The following METTL16 variants were observed in gnomAD, a reference collection of about 807,000 sequenced individuals.
The protein encoded by METTL16 is RNA N(6)-adenosine-methyltransferase METTL16.
METTL16 carries 19 observed loss-of-function variants against 57.9 expected under a neutral mutation model. The observed-to-expected ratio is 0.33, with a 90% CI of 0.23 to 0.48. METTL16 has a LOEUF of 0.48. Among genes scored for constraint, METTL16 ranks in the 20% least tolerant of loss-of-function variants. The pLI, the probability that METTL16 is intolerant of heterozygous loss-of-function variation, is 0.99. For synonymous variants in METTL16, 246 were observed against 255.6 expected (o/e 0.96, Z 0.36); for missense variants, 434 against 691.5 (o/e 0.63, Z 4.18).
At chr17:2,504,391 CATG>C in intron 1 of METTL16, among the ~76,000 whole-genome samples, 1 of 152,216 alleles carries the variant, frequency 6.6e-6, no homozygotes, top group Non-Finnish European at 1.5e-5. Flanking sequence ...TATATTTTTC[CATG>C]ATTTTAAAAA....
chr17:2,427,117 GC>G (rs1331244992), intron 8 of METTL16, among the ~76,000 whole-genome samples: 1 of 152,184 alleles, frequency 6.6e-6, no homozygotes, highest in Non-Finnish European at 1.5e-5. Context: ...CAGCACTCCA[GC>G]CTGGGCAACG....
At chr17:2,452,186 G>A (rs2067076231) in intron 6 of METTL16, among the ~76,000 whole-genome samples, 1 of 150,644 alleles carries the variant, frequency 6.6e-6, no homozygotes, top group Non-Finnish European at 1.5e-5. Context: ...GGAGATGAAG[G>A]AAAAGAAATA....
intron 2 of METTL16, among the ~76,000 whole-genome samples, chr17:2,497,248 C>T (rs1332477638): frequency 3.3e-5 from 5 of 150,874 alleles, no homozygotes; most frequent in African/African-American, 7.4e-5. Flanking sequence ...TCAGGTGATC[C>T]GCCCACCTTG....
At chr17:2,457,568 C>T (rs2067120609) in intron 6 of METTL16, among the ~76,000 whole-genome samples, 1 of 151,640 alleles carries the variant, frequency 6.6e-6, no homozygotes, top group Non-Finnish European at 1.5e-5. Flanking sequence ...ATTAGCCAGG[C>T]ATGGTGGCGC....
rs749518458 is a variant in METTL16 at position 2,419,958 on chromosome 17, T to C, written c.*12A>G. ...GTTACTATCAACACGTTTCCAACTG[T>C]GCAGGAGGTTTCTAGTTAACTGCAA... On this transcript the variant is annotated 3_prime_UTR_variant, in exon 10 of 10. Transcript: ENST00000263092. 2.5e-6 allele frequency: 4 copies of C among 1,613,646 alleles called. No individual in the cohort carries two copies. In the South Asian group the frequency reaches 3.3e-5, roughly 13 times the overall value.
At chr17:2,492,776 A>G (rs1023948232) in intron 2 of METTL16, among the ~76,000 whole-genome samples, 22 of 151,482 alleles carry the variant, frequency 1.5e-4, no homozygotes, top group African/African-American at 4.6e-4. Context: ...TGGCACCTAT[A>G]ATCCCAGCAA....
intron 8 of METTL16, among the ~76,000 whole-genome samples, chr17:2,430,020 G>A (rs576913548): frequency 6.7e-6 from 1 of 149,318 alleles, no homozygotes; most frequent in South Asian, 2.1e-4. Flanking sequence ...CACCATGTTG[G>A]CCAGGCTAGT....
chr17:2,446,950 G>A (rs979133773), intron 6 of METTL16, among the ~76,000 whole-genome samples: 2 of 151,378 alleles, frequency 1.3e-5, no homozygotes, highest in African/African-American at 2.4e-5. Context: ...CCTCCCAGCC[G>A]CCTGCCTTGG....
Position 2,417,837 on chromosome 17 carries a change from CA to C in METTL16, c.*2132del, listed in dbSNP as rs2066731873. 1 of 152,182 alleles carries C rather than the reference CA, an allele frequency of 6.6e-6. No individual in the cohort carries two copies. The allele number at this position is 152,182 out of a possible 1,614,324, so 9.4% of individuals were successfully genotyped here. ...CTTTAATGAGCATGTGCCACTCTTT[CA>C]TAATGAAACAAGCAAACAATAAGTA... On this transcript the variant is annotated 3_prime_UTR_variant, in exon 10 of 10. Transcript: ENST00000263092.
chr17:2,426,143 C>G (rs2066816669), intron 8 of METTL16, among the ~76,000 whole-genome samples: 1 of 152,076 alleles, frequency 6.6e-6, no homozygotes, highest in Non-Finnish European at 1.5e-5. Context: ...AAGCCACAAC[C>G]TCTTTGTTTT....
intron 2 of METTL16, among the ~76,000 whole-genome samples, chr17:2,485,732 G>A (rs1049567733): frequency 1.3e-5 from 2 of 152,126 alleles, no homozygotes; most frequent in African/African-American, 4.8e-5. Flanking sequence ...AAAATGCTAG[G>A]GATATTGCAG....
At chr17:2,465,314 CG>C (rs558593745) in intron 5 of METTL16, among the ~76,000 whole-genome samples, 204 of 150,954 alleles carry the variant, frequency 1.4e-3, no homozygotes, top group Non-Finnish European at 2.2e-3. Context: ...GAGGCCGAGG[CG>C]GGAGGATCAC....
intron 6 of METTL16, among the ~76,000 whole-genome samples, chr17:2,456,291 T>TA (rs2067109732): frequency 6.6e-6 from 1 of 152,106 alleles, no homozygotes; most frequent in African/African-American, 2.4e-5. Flanking sequence ...CTGACAACCC[T>TA]ACTTTGGGTC....
At chr17:2,496,147 CAAAA>C (rs969927170) in intron 2 of METTL16, among the ~76,000 whole-genome samples, 7 of 148,828 alleles carry the variant, frequency 4.7e-5, no homozygotes, top group Admixed American at 2.0e-4. Context: ...CAAAACAAAA[CAAAA>C]AAAAAGAAAA....
At chr17:2,460,882 T>C (rs1369575923) in intron 6 of METTL16, among the ~76,000 whole-genome samples, 1 of 137,750 alleles carries the variant, frequency 7.3e-6, no homozygotes, top group East Asian at 2.2e-4. Flanking sequence ...GGAAACTCAG[T>C]CTCAAAAAAA....
rs554791522 is a variant in METTL16, at chr17:2,481,124, T to C, written c.129-3239A>G. Among the ~76,000 whole-genome samples the C allele has an allele frequency of 2.0e-5, 3 of 151,720 alleles. No homozygotes were observed. The East Asian group carries it at 5.8e-4, about 29-fold the overall frequency. On this transcript the variant is annotated intron_variant, in intron 2 of 9. Coordinates refer to ENST00000263092, the MANE Select transcript of METTL16 (RefSeq NM_024086.4). ...AGGAGGCTGAGCTTGCAGAATTGCT[T>C]GGACCTGGAAGGGGCAGAGGTTGCA...
chr17:2,448,722 A>T (rs1219197126), intron 6 of METTL16, among the ~76,000 whole-genome samples: 1 of 127,204 alleles, frequency 7.9e-6, no homozygotes, highest in Admixed American at 8.1e-5. Flanking sequence ...TCTGCGAGAA[A>T]CACCCAAGAA....
rs375528533 is a variant in METTL16, at chr17:2,485,103, C to A, written c.129-7218G>T. Among the ~76,000 whole-genome samples, 37 of 152,250 alleles carry A rather than the reference C, an allele frequency of 2.4e-4. No individual in the cohort carries two copies. In the South Asian group the frequency reaches 7.5e-3, roughly 31 times the overall value. On this transcript the variant is annotated intron_variant, in intron 2 of 9. Transcript: ENST00000263092. ...CTTCATCTGAATTTACAGCCACTTT[C>A]CATTGCTCACATTACTGCCTCAGCT...
At chr17:2,483,165 G>A (rs982700493) in intron 2 of METTL16, among the ~76,000 whole-genome samples, 7 of 151,886 alleles carry the variant, frequency 4.6e-5, no homozygotes, top group South Asian at 2.1e-4. Flanking sequence ...CAAAAACTAC[G>A]GCTAAAACAA....
Sources: allele counts gnomAD v4.1 joint callset (sites outside exome capture counted in the v4.1 genomes callset), GRCh38; gene constraint gnomAD v4.1.1; transcripts MANE v1.5; gene names NCBI Gene and HGNC (gene_info 2026-07-23, HGNC 2026-07-21).